NEUROD1: variants seen among roughly 807,000 people sequenced by gnomAD.
The protein encoded by NEUROD1 is neurogenic differentiation factor 1.
Under a neutral mutation model 21.8 loss-of-function variants are expected in NEUROD1, and 9 were observed. The ratio of observed to expected loss-of-function variants is 0.41; its 90% CI spans 0.25 to 0.72. The LOEUF (loss-of-function observed/expected upper bound fraction) is 0.72. Among genes scored for constraint, NEUROD1 ranks in the 30% least tolerant of loss-of-function variants. The probability of loss-of-function intolerance (pLI) is 0.31; values close to 1 mark genes in which losing one functional copy is unlikely to be tolerated. For missense variants in NEUROD1, 434 were observed against 468.8 expected (o/e 0.93, Z 0.69); for synonymous variants, 199 against 186.2 (o/e 1.07, Z -0.56).
downstream of NEUROD1, among the ~76,000 whole-genome samples, chr2:181,673,950 C>T (rs1047404674): frequency 4.0e-5 from 6 of 151,846 alleles, no homozygotes; most frequent in African/African-American, 1.5e-4. Flanking sequence ...ATATTATAAA[C>T]CTAAAATTAG....
At chr2:181,670,073 G>A (rs1688475275), downstream of NEUROD1, among the ~76,000 whole-genome samples, 1 of 152,198 alleles carries the variant, frequency 6.6e-6, no homozygotes, top group Non-Finnish European at 1.5e-5. Flanking sequence ...TTAAATGAGT[G>A]TCTATGAAAT....
At chr2:181,668,921 CAGA>C (rs1195569673), downstream of NEUROD1, among the ~76,000 whole-genome samples, 1 of 152,160 alleles carries the variant, frequency 6.6e-6, no homozygotes, top group East Asian at 1.9e-4. Context: ...CTCCCCTAGT[CAGA>C]AGGTCAACAT....
chr2:181,671,984 AC>A (rs1348026539), downstream of NEUROD1, among the ~76,000 whole-genome samples: 4 of 152,204 alleles, frequency 2.6e-5, no homozygotes, highest in Non-Finnish European at 5.9e-5. Flanking sequence ...TATACACTGA[AC>A]CCTTCAAAAT....
chr2:181,677,949 A>G lies in NEUROD1; in HGVS notation c.912T>C (p.Pro304=). ...EKNYAFTMHY[P]AATLAGAQSH... is the part of the protein sequence containing the mutation. ...TTTGGGCCCCTGCCAGTGTCGCTGC[A>G]GGATAGTGCATGGTAAAGGCATAAT... The change falls in exon 2 of 2, where the codon CCT becomes CCC. Residue 304 remains proline (P), a synonymous_variant. Transcript: ENST00000295108. 6.2e-7 allele frequency: 1 copy of G among 1,614,214 alleles called. No homozygotes were observed. Among genetic ancestry groups the G allele is most frequent in the Non-Finnish European group, 8.5e-7 (1 of 1,180,030 alleles).
rs767952590 is a variant in NEUROD1 at position 181,678,371 on chromosome 2, C to T, written c.490G>A (p.Asp164Asn). Residue 164 changes from aspartate (D) to asparagine (N), a missense_variant, in exon 2 of 2, where the codon GAC (aspartate) becomes AAC (asparagine). Asp to Asn is a conservative substitution (Grantham distance 23, BLOSUM62 1). Transcript: ENST00000295108. The surrounding 1 kb of genome is among the most constrained non-coding windows in gnomAD (Gnocchi z 5.5). ...AGCGTCTGAACGAAGGAGACCAGGT[C>T]TGGGCTTTTGCCTGAGCGCAGGATC... ...SEILRSGKSP[D>N]LVSFVQTLCK... 7 of 1,614,078 alleles carry T rather than the reference C, an allele frequency of 4.3e-6. No individual in the cohort carries two copies. The Admixed American group carries it at 1.0e-4, about 23-fold the overall frequency.
chr2:181,677,713 G>A lies in NEUROD1; in HGVS notation c.*77C>T, dbSNP rs1412415220. On this transcript the variant is annotated 3_prime_UTR_variant, in exon 2 of 2. Transcript: ENST00000295108. ...CACTTTGCAGCAGTAGTACCCAAAG[G>A]GCTGCCTTTTGTAAACACGACAGTC... 6.2e-7 allele frequency: 1 copy of A among 1,610,792 alleles called. No homozygotes were observed. The highest frequency in any genetic ancestry group is 8.5e-7 in the Non-Finnish European group (1 of 1,179,942).
rs1455234236 is a variant in NEUROD1 at position 181,677,151 on chromosome 2, T to C, written c.*639A>G. The C allele has an allele frequency of 8.5e-6, 1 of 118,204 alleles. No individual in the cohort carries two copies. The highest frequency in any genetic ancestry group is 3.1e-5 in the African/African-American group (1 of 32,066). 7.3% of individuals were successfully genotyped at this position (118,204 alleles called of 1,614,324 possible). A position where few individuals can be genotyped will look rare whatever the true frequency, so the allele number is the denominator to read the frequency against. ...TTTTTTTTTTTTTTTTTTTTTACAA[T>C]TGGAGAGGAAAGAAGTGCTAAGGCA... On this transcript the variant is annotated 3_prime_UTR_variant, in exon 2 of 2. Transcript: ENST00000295108.
At position 181,676,616 on chromosome 2, in the gene NEUROD1, C is replaced by A. The variant is rs1423276497; in HGVS notation, c.*1174G>T. On this transcript the variant is annotated 3_prime_UTR_variant, in exon 2 of 2. Transcript: ENST00000295108. Reference sequence around the variant, plus strand: ...CTCAAACAGCACTTATTCTGGACTGCATTTTACATGCAATAGCTATTGTTC... The same window carrying A: ...CTCAAACAGCACTTATTCTGGACTGAATTTTACATGCAATAGCTATTGTTC... 1 of 152,558 alleles carries A rather than the reference C, an allele frequency of 6.6e-6. No homozygotes were observed. Among genetic ancestry groups the A allele is most frequent in the Non-Finnish European group, 1.5e-5 (1 of 67,994 alleles). 9.5% of individuals were successfully genotyped at this position (152,558 alleles called of 1,614,324 possible).
exon 2 of NEUROD1, among the ~76,000 whole-genome samples, chr2:181,671,025 G>GCACACACACACACA (rs71004600): frequency 6.8e-6 from 1 of 146,706 alleles, no homozygotes; most frequent in East Asian, 2.0e-4. Context: ...GCATATGTGT[G>GCACACACACACACA]CACACACACA....
downstream of NEUROD1, among the ~76,000 whole-genome samples, chr2:181,673,799 T>A (rs955564752): frequency 6.6e-6 from 1 of 152,194 alleles, no homozygotes; most frequent in Non-Finnish European, 1.5e-5. Flanking sequence ...TAATGATCCA[T>A]ATATCATTTT....
At chr2:181,675,346 C>T (rs140313091), downstream of NEUROD1, among the ~76,000 whole-genome samples, 3 of 152,170 alleles carry the variant, frequency 2.0e-5, no homozygotes, top group Non-Finnish European at 4.4e-5. Context: ...GCCTCATTGG[C>T]AATGTTATTA....
chr2:181,678,375 G>A lies in NEUROD1; in HGVS notation c.486C>T (p.Ser162=), dbSNP rs1306739378. 6 of 1,614,102 alleles carry A rather than the reference G, an allele frequency of 3.7e-6. No individual in the cohort carries two copies. In the Admixed American group the frequency reaches 5.0e-5, roughly 13 times the overall value. The change falls in exon 2 of 2, where the codon AGC becomes AGT. Residue 162 remains serine, a synonymous_variant. Coordinates refer to ENST00000295108, the MANE Select transcript of NEUROD1 (RefSeq NM_002500.5). The surrounding 1 kb of genome is among the most constrained non-coding windows in gnomAD (Gnocchi z 5.5). ...TCTGAACGAAGGAGACCAGGTCTGG[G>A]CTTTTGCCTGAGCGCAGGATCTCCG... is the stretch of plus-strand genomic sequence containing the variant. ...ALSEILRSGK[S]PDLVSFVQTL... is the part of the protein sequence containing the mutation.
chr2:181,671,167 G>A (rs1688492922), exon 2 of NEUROD1, among the ~76,000 whole-genome samples: 3 of 151,676 alleles, frequency 2.0e-5, no homozygotes, highest in Admixed American at 1.3e-4. Context: ...AGATCTCTTC[G>A]CTTAATATTT....
Position 181,678,210 on chromosome 2 carries a change from G to T in NEUROD1, c.651C>A (p.His217Gln). 1.2e-6 allele frequency: 2 copies of T among 1,614,200 alleles called. No homozygotes were observed. The highest frequency in any genetic ancestry group is 1.7e-6 in the Non-Finnish European group (2 of 1,180,030). ...LPTASASFPV[H>Q]PYSYQSPGLP... ...GCCCAGGCGACTGGTAGGAGTAGGG[G>T]TGTACAGGGAAGGAAGCGCTGGCCG... Residue 217 changes from histidine to glutamine, a missense_variant, in exon 2 of 2, where the codon CAC becomes CAA. Transcript: ENST00000295108. The surrounding 1 kb of genome is among the most constrained non-coding windows in gnomAD (Gnocchi z 5.5).
chr2:181,675,895 T>C (rs1275535412), downstream of NEUROD1, among the ~76,000 whole-genome samples: 1 of 152,200 alleles, frequency 6.6e-6, no homozygotes, highest in Non-Finnish European at 1.5e-5. Flanking sequence ...TTACTTCTCT[T>C]GGATTCTTTA....
downstream of NEUROD1, among the ~76,000 whole-genome samples, chr2:181,674,275 G>A (rs1574086127): frequency 6.6e-6 from 1 of 152,108 alleles, no homozygotes; most frequent in East Asian, 1.9e-4. Context: ...GAAACAGATA[G>A]AATCCCAAAT....
chr2:181,671,067 C>CAT (rs113594124), exon 2 of NEUROD1, among the ~76,000 whole-genome samples: 42,208 of 145,936 alleles, frequency 0.29, 7,093 homozygotes, highest in Middle Eastern at 0.46. Context: ...CATATATACA[C>CAT]ATATATATAT....
chr2:181,678,063 G>A lies in NEUROD1; in HGVS notation c.798C>T (p.Ser266=), dbSNP rs776683105. 4 of 1,614,100 alleles carry A rather than the reference G, an allele frequency of 2.5e-6. No individual in the cohort carries two copies. Among genetic ancestry groups the A allele is most frequent in the Non-Finnish European group, 3.4e-6 (4 of 1,180,046 alleles). ...GGCTGAGGGGTCCATCAAAGGAAGG[G>A]CTGGTGCAATCAGTCAGAGGGCTTT... is the stretch of plus-strand genomic sequence containing the variant. ...FFESPLTDCT[S]PSFDGPLSPP... The change falls in exon 2 of 2, where the codon AGC becomes AGT. Residue 266 remains serine (S), a synonymous_variant. Coordinates refer to ENST00000295108, the MANE Select transcript of NEUROD1 (RefSeq NM_002500.5). The surrounding 1 kb of genome is among the most constrained non-coding windows in gnomAD (Gnocchi z 5.5).
downstream of NEUROD1, among the ~76,000 whole-genome samples, chr2:181,675,369 G>A (rs1469908420): frequency 1.3e-5 from 2 of 152,254 alleles, no homozygotes; most frequent in South Asian, 2.1e-4. Flanking sequence ...ATGGCTAATT[G>A]TTCCTGTCCA....
Sources: allele counts gnomAD v4.1 joint callset (sites outside exome capture counted in the v4.1 genomes callset), GRCh38; gene constraint gnomAD v4.1.1; non-coding constraint Gnocchi (gnomAD v3.1); transcripts MANE v1.5; gene names NCBI Gene and HGNC (gene_info 2026-07-23, HGNC 2026-07-21).